The following LOC400499 variants were observed in gnomAD, a reference collection of about 807,000 sequenced individuals.
the LOC400499 span, chr16:11,384,195 C>G: frequency 8.2e-7 from 1 of 1,226,430 alleles, no homozygotes; most frequent in Non-Finnish European, 1.0e-6. Flanking sequence ...GGAAGCAGGA[C>G]AGGCAGGTGC....
chr16:11,512,630 G>A, the LOC400499 span, among the ~76,000 whole-genome samples: 3 of 152,132 alleles, frequency 2.0e-5, no homozygotes, highest in Non-Finnish European at 4.4e-5. Flanking sequence ...TAATAAAGTT[G>A]ATTGTGGTGA....
the LOC400499 span, among the ~76,000 whole-genome samples, chr16:11,378,435 T>C: frequency 4.6e-5 from 7 of 152,086 alleles, no homozygotes; most frequent in Non-Finnish European, 1.0e-4. Flanking sequence ...GGCTAAATTT[T>C]ATAATTTTAG....
the LOC400499 span, among the ~76,000 whole-genome samples, chr16:11,496,909 T>C: frequency 6.8e-6 from 1 of 146,608 alleles, no homozygotes; most frequent in Non-Finnish European, 1.5e-5. Flanking sequence ...TGTGTGTGTG[T>C]GTGTGTGTGT....
At chr16:11,409,232 G>T in the LOC400499 span, among the ~76,000 whole-genome samples, 1 of 152,000 alleles carries the variant, frequency 6.6e-6, no homozygotes, top group Non-Finnish European at 1.5e-5. Context: ...CTGCACTCCA[G>T]CGTGGGTGAC....
the LOC400499 span, chr16:11,460,559 G>A: frequency 1.9e-5 from 29 of 1,535,414 alleles, 1 homozygote; most frequent in Admixed American, 4.5e-4. Flanking sequence ...GCCACTGTCT[G>A]CCCGCAGCTT....
chr16:11,429,516 A>G, the LOC400499 span, among the ~76,000 whole-genome samples: 1 of 152,194 alleles, frequency 6.6e-6, no homozygotes, highest in Non-Finnish European at 1.5e-5. Flanking sequence ...TCTATCACCC[A>G]GGATTGGAGA....
chr16:11,385,460 C>A, the LOC400499 span: 4 of 1,204,694 alleles, frequency 3.3e-6, no homozygotes, highest in Non-Finnish European at 4.2e-6. Flanking sequence ...GGGCCAGCTC[C>A]ACCCACCGCA....
At chr16:11,526,090 A>G in the LOC400499 span, among the ~76,000 whole-genome samples, 1 of 152,236 alleles carries the variant, frequency 6.6e-6, no homozygotes, top group African/African-American at 2.4e-5. Context: ...CATGCCAGAC[A>G]GTGTTCTATG....
chr16:11,478,492 C>A, the LOC400499 span: 1 of 398,998 alleles, frequency 2.5e-6, no homozygotes, highest in East Asian at 3.6e-5. Flanking sequence ...CCAAGTGTCA[C>A]AGGGCAGATG....
chr16:11,451,466 C>A, the LOC400499 span, among the ~76,000 whole-genome samples: 2 of 152,148 alleles, frequency 1.3e-5, no homozygotes, highest in Middle Eastern at 3.4e-3. Flanking sequence ...TATATCCCAG[C>A]TACTTGGGAG....
At chr16:11,414,224 G>T in the LOC400499 span, 1 of 398,422 alleles carries the variant, frequency 2.5e-6, no homozygotes, top group Non-Finnish European at 4.4e-6. Flanking sequence ...TCAAGTACTG[G>T]GGAAACCCAA....
chr16:11,503,919 G>C, the LOC400499 span, among the ~76,000 whole-genome samples: 1 of 152,182 alleles, frequency 6.6e-6, no homozygotes, highest in Non-Finnish European at 1.5e-5. Context: ...GTCAGTTCCA[G>C]GCCTGCTTCC....
the LOC400499 span, chr16:11,448,991 C>A: frequency 6.6e-7 from 1 of 1,522,304 alleles, no homozygotes; most frequent in East Asian, 2.5e-5. Flanking sequence ...AGTTCAGGAT[C>A]TTACGGTCCC....
the LOC400499 span, among the ~76,000 whole-genome samples, chr16:11,403,449 ACACACATG>A: frequency 1.3e-5 from 2 of 149,426 alleles, no homozygotes; most frequent in African/African-American, 5.2e-5. Flanking sequence ...GCATGTATAC[ACACACATG>A]CACACATACA....
the LOC400499 span, among the ~76,000 whole-genome samples, chr16:11,482,809 T>C: frequency 6.6e-6 from 1 of 151,762 alleles, no homozygotes; most frequent in African/African-American, 2.4e-5. Flanking sequence ...GGAAGATCAC[T>C]TGAGCCCAGC....
the LOC400499 span, chr16:11,383,846 A>T: frequency 8.1e-7 from 1 of 1,232,162 alleles, no homozygotes; most frequent in Non-Finnish European, 1.0e-6. Context: ...TTGATGAGAC[A>T]AAGGGCCTTC....
At chr16:11,484,250 G>A in the LOC400499 span, among the ~76,000 whole-genome samples, 26 of 151,984 alleles carry the variant, frequency 1.7e-4, no homozygotes, top group East Asian at 9.7e-4. Flanking sequence ...CTCGTGATCC[G>A]CCTGCCTCGG....
At chr16:11,438,052 G>A in the LOC400499 span, among the ~76,000 whole-genome samples, 4 of 152,116 alleles carry the variant, frequency 2.6e-5, no homozygotes, top group South Asian at 2.1e-4. Flanking sequence ...GGCAAGTCAC[G>A]CCACCTCTCT....
the LOC400499 span, among the ~76,000 whole-genome samples, chr16:11,394,640 G>T: frequency 1.3e-5 from 2 of 152,338 alleles, no homozygotes; most frequent in Non-Finnish European, 2.9e-5. Context: ...TCAAGTTGAG[G>T]CCATAGTGGA....
Sources: allele counts gnomAD v4.1 joint callset (sites outside exome capture counted in the v4.1 genomes callset), GRCh38; gene constraint gnomAD v4.1.1; transcripts MANE v1.5.